The following RCAN2 variants were observed in gnomAD, a reference collection of about 807,000 sequenced individuals.
The protein encoded by RCAN2 is regulator of calcineurin 2.
In RCAN2, 9 loss-of-function variants were observed where a neutral mutation model predicts 23.6. The observed-to-expected ratio is 0.38, with a 90% CI of 0.23 to 0.67. The LOEUF (loss-of-function observed/expected upper bound fraction) is 0.67. Ranked by LOEUF, RCAN2 falls within the 30% of genes least tolerant of loss-of-function variation. The pLI is 0.51. For missense variants in RCAN2, 273 were observed against 302.3 expected (o/e 0.90, Z 0.72); for synonymous variants, 109 against 115.7 (o/e 0.94, Z 0.37).
chr6:46,418,599 G>A (rs1317297088), intron 2 of RCAN2, among the ~76,000 whole-genome samples: 2 of 151,366 alleles, frequency 1.3e-5, no homozygotes, highest in East Asian at 1.9e-4. Context: ...CATGTGCTAG[G>A]AGCCAGCTCC....
intron 2 of RCAN2, among the ~76,000 whole-genome samples, chr6:46,382,857 AC>A (rs1206772069): frequency 6.6e-6 from 1 of 152,122 alleles, no homozygotes; most frequent in African/African-American, 2.4e-5. Flanking sequence ...GGAAAAATAA[AC>A]CTTTCTCTTT....
chr6:46,430,059 C>A lies in RCAN2; in HGVS notation c.225+26693G>T, dbSNP rs116523476. ...CCTTCATCCTGAAAGGAATGGGAAG[C>A]TTTGGGTGGGTTTTACACATACCAT... On this transcript the variant is annotated intron_variant, in intron 2 of 4. Coordinates refer to ENST00000371374, the MANE Select transcript of RCAN2 (RefSeq NM_001251974.2). 4.0e-3 allele frequency among the ~76,000 whole-genome samples: 607 copies of A among 152,266 alleles called. 5 individuals carry two copies. Among genetic ancestry groups the A allele is most frequent in the African/African-American group, 0.013 (559 of 41,564 alleles).
At chr6:46,475,430 G>A (rs61228495) in intron 1 of RCAN2, among the ~76,000 whole-genome samples, 1 of 152,130 alleles carries the variant, frequency 6.6e-6, no homozygotes, top group African/African-American at 2.4e-5. Flanking sequence ...GCTTATTGTA[G>A]AAATGAGATA....
At chr6:46,417,802 AT>A (rs1766755559) in intron 2 of RCAN2, among the ~76,000 whole-genome samples, 1 of 152,252 alleles carries the variant, frequency 6.6e-6, no homozygotes, top group African/African-American at 2.4e-5. Context: ...TACAATAAAA[AT>A]AAAGCTGCCA....
intron 2 of RCAN2, among the ~76,000 whole-genome samples, chr6:46,371,017 T>C (rs893174083): frequency 6.6e-6 from 1 of 152,166 alleles, no homozygotes; most frequent in African/African-American, 2.4e-5. Context: ...TGTGGGTAGA[T>C]TTGGGGAGTA....
intron 2 of RCAN2, among the ~76,000 whole-genome samples, chr6:46,379,903 G>T (rs1480018882): frequency 6.6e-6 from 1 of 152,140 alleles, no homozygotes; most frequent in Admixed American, 6.5e-5. Flanking sequence ...GCTTTCTCTT[G>T]CAGTTCAGCA....
chr6:46,477,499 G>A (rs190819991), intron 1 of RCAN2, among the ~76,000 whole-genome samples: 169 of 152,242 alleles, frequency 1.1e-3, no homozygotes, highest in African/African-American at 3.8e-3. Flanking sequence ...ACTTCTTTGT[G>A]CCTCAGTTTC....
intron 2 of RCAN2, among the ~76,000 whole-genome samples, chr6:46,295,107 G>T (rs998900155): frequency 1.3e-5 from 2 of 152,040 alleles, no homozygotes; most frequent in African/African-American, 4.8e-5. Flanking sequence ...AAGGAGGAGT[G>T]GGGTGACTTG....
intron 2 of RCAN2, among the ~76,000 whole-genome samples, chr6:46,406,936 G>A (rs1294027882): frequency 6.6e-6 from 1 of 152,202 alleles, no homozygotes; most frequent in East Asian, 1.9e-4. Context: ...GGGCGATTCA[G>A]TAACAAATAC....
chr6:46,325,677 G>A, intron 2 of RCAN2: 2 of 1,376,068 alleles, frequency 1.5e-6, no homozygotes, highest in Non-Finnish European at 1.9e-6. Context: ...AGTAACGAAC[G>A]GCCCGGCTCG....
intron 2 of RCAN2, among the ~76,000 whole-genome samples, chr6:46,419,441 G>A (rs1347082046): frequency 1.3e-5 from 2 of 152,154 alleles, no homozygotes; most frequent in Non-Finnish European, 2.9e-5. Context: ...TTTGGAGCTT[G>A]CTTCACTTCA....
At chr6:46,329,796 GA>G (rs1763905786) in intron 2 of RCAN2, among the ~76,000 whole-genome samples, 1 of 152,166 alleles carries the variant, frequency 6.6e-6, no homozygotes, top group Non-Finnish European at 1.5e-5. Flanking sequence ...TCACACTGAG[GA>G]AAGGATGCAT....
At position 46,340,550 on chromosome 6, in the gene RCAN2, C is replaced by T. The variant is rs187910758; in HGVS notation, c.226-91654G>A. 3.3e-3 allele frequency among the ~76,000 whole-genome samples: 502 copies of T among 152,248 alleles called. 6 individuals carry two copies. Among genetic ancestry groups the T allele is most frequent in the South Asian group, 6.2e-3 (30 of 4,820 alleles). ...CTCCTCTTCAAGCTGACCTTGGGAG[C>T]GAAGTGTTGAAGATGGCAGAGCCTC... On this transcript the variant is annotated intron_variant, in intron 2 of 4. Coordinates refer to ENST00000371374, the MANE Select transcript of RCAN2 (RefSeq NM_001251974.2).
intron 2 of RCAN2, among the ~76,000 whole-genome samples, chr6:46,439,214 T>C (rs1767458631): frequency 6.6e-6 from 1 of 152,204 alleles, no homozygotes; most frequent in African/African-American, 2.4e-5. Flanking sequence ...GGGTGCATTA[T>C]AAATAAAGCA....
At chr6:46,269,891 C>T (rs1461122963) in intron 2 of RCAN2, among the ~76,000 whole-genome samples, 1 of 152,098 alleles carries the variant, frequency 6.6e-6, no homozygotes, top group Admixed American at 6.5e-5. Context: ...TCTTATGTTC[C>T]CCTCTCCTCT....
rs1376901264 is a variant in RCAN2 at position 46,458,752 on chromosome 6, C to T, written c.-2-1774G>A. ...GTATTTTCTTTCATATTTATTTATA[C>T]TGTTGCTTGAATATTTTAGCATAAA... On this transcript the variant is annotated intron_variant, in intron 1 of 4. Transcript: ENST00000371374. 7.9e-5 allele frequency among the ~76,000 whole-genome samples: 12 copies of T among 152,284 alleles called. No individual in the cohort carries two copies. The South Asian group carries it at 2.3e-3, about 29-fold the overall frequency.
At chr6:46,368,527 T>A (rs886537241) in intron 2 of RCAN2, among the ~76,000 whole-genome samples, 5 of 152,194 alleles carry the variant, frequency 3.3e-5, no homozygotes, top group Non-Finnish European at 5.9e-5. Context: ...CAAACCTAGA[T>A]GGTATAGCCT....
At chr6:46,281,623 G>A (rs1767922341) in intron 2 of RCAN2, among the ~76,000 whole-genome samples, 1 of 152,176 alleles carries the variant, frequency 6.6e-6, no homozygotes, top group Non-Finnish European at 1.5e-5. Context: ...GGGTTCCTCT[G>A]TGCTCCAGAG....
intron 1 of RCAN2, among the ~76,000 whole-genome samples, chr6:46,488,935 C>T (rs185944028): frequency 6.6e-6 from 1 of 152,266 alleles, no homozygotes; most frequent in African/African-American, 2.4e-5. Context: ...TTCCTTTTTG[C>T]AACCCCACCT....
Sources: allele counts gnomAD v4.1 joint callset (sites outside exome capture counted in the v4.1 genomes callset), GRCh38; gene constraint gnomAD v4.1.1; transcripts MANE v1.5; gene names NCBI Gene and HGNC (gene_info 2026-07-23, HGNC 2026-07-21).